The following SLA2 variants were observed in gnomAD, a reference collection of about 807,000 sequenced individuals.
The protein encoded by SLA2 is Src like adaptor 2.
A neutral mutation model predicts 27.3 loss-of-function variants in SLA2; 22 were observed. The observed-to-expected ratio is 0.81, with a 90% CI of 0.58 to 1.15. The LOEUF (loss-of-function observed/expected upper bound fraction) is 1.15. Among genes scored for constraint, SLA2 ranks in the 50% most tolerant of loss-of-function variants. The pLI is 0.00. For missense variants in SLA2, 304 were observed against 322.2 expected, an observed-to-expected ratio of 0.94 and a Z score of 0.43; for synonymous variants, 131 against 137.8, an observed-to-expected ratio of 0.95 and a Z score of 0.34.
At chr20:36,615,086 G>A in intron 6 of SLA2, 139 bp downstream of exon 6, 1 of 1,475,032 alleles carries the variant, frequency 6.8e-7, no homozygotes. Context: ...CTTGGCATAG[G>A]GACTGGCGTG....
intron 3 of SLA2, 148 bp downstream of exon 3, chr20:36,634,342 G>A: frequency 3.4e-6 from 2 of 582,216 alleles, no homozygotes; most frequent in Non-Finnish European, 6.2e-6. Flanking sequence ...GGAGTGCACT[G>A]GCTTGATCAT....
At chr20:36,619,220 G>GAAA (rs60021707) in intron 5 of SLA2, among the ~76,000 whole-genome samples, 16 of 71,276 alleles carry the variant, frequency 2.2e-4, no homozygotes, top group East Asian at 4.9e-4. Flanking sequence ...GACTCTGGGG[G>GAAA]AAAAAAAAAA....
At position 36,613,943 on chromosome 20, in the gene SLA2, G is replaced by T; in HGVS notation, c.709C>A (p.Leu237Ile). 1 of 1,614,146 alleles carries T rather than the reference G, an allele frequency of 6.2e-7. No homozygotes were observed. The highest frequency in any genetic ancestry group is 1.3e-5 in the African/African-American group (1 of 75,042). Residue 237 changes from leucine to isoleucine, a missense_variant, in exon 8 of 8, where the codon CTC becomes ATC. Transcript: ENST00000262866. ...AGGGACTCCCGGAGACCCTCACTGA[G>T]AAGAGACTCCTCCCCTGTGGCAGCT... ...SEAATGEESL[L>I]SEGLRESLSF...
At chr20:36,626,574 G>A (rs1447909274) in intron 5 of SLA2, among the ~76,000 whole-genome samples, 4 of 150,590 alleles carry the variant, frequency 2.7e-5, no homozygotes, top group South Asian at 2.1e-4. Flanking sequence ...AAGTCTGGGC[G>A]CGGTGGCTCA....
At chr20:36,618,206 C>A (rs1346590241) in intron 5 of SLA2, among the ~76,000 whole-genome samples, 2 of 151,384 alleles carry the variant, frequency 1.3e-5, no homozygotes, top group Non-Finnish European at 2.9e-5. Flanking sequence ...ATGCAGACAA[C>A]CATAAGTAAG....
intron 5 of SLA2, among the ~76,000 whole-genome samples, chr20:36,617,774 T>G (rs1478456521): frequency 2.0e-4 from 29 of 143,376 alleles, no homozygotes; most frequent in South Asian, 1.8e-3. Flanking sequence ...GGAGACTCGC[T>G]TGAACCCAGG....
At chr20:36,643,213 T>C (rs753313267) in intron 1 of SLA2, among the ~76,000 whole-genome samples, 24 of 152,218 alleles carry the variant, frequency 1.6e-4, no homozygotes, top group Non-Finnish European at 3.5e-4. Flanking sequence ...GTTAGAATAG[T>C]TTAAATCCCC....
chr20:36,626,034 G>A (rs1331945579), intron 5 of SLA2, among the ~76,000 whole-genome samples: 1 of 151,968 alleles, frequency 6.6e-6, no homozygotes, highest in Non-Finnish European at 1.5e-5. Flanking sequence ...GGAGGCCAAG[G>A]TGGGTGGATC....
At chr20:36,635,520 C>T (rs1384588165) in intron 2 of SLA2, among the ~76,000 whole-genome samples, 1 of 151,754 alleles carries the variant, frequency 6.6e-6, no homozygotes, top group Non-Finnish European at 1.5e-5. Context: ...GCCTGTGCTC[C>T]GGGTGGGCAT....
intron 5 of SLA2, among the ~76,000 whole-genome samples, chr20:36,618,897 A>G (rs2039245372): frequency 7.9e-6 from 1 of 127,376 alleles, no homozygotes; most frequent in Non-Finnish European, 1.6e-5. Context: ...ACAAGAGTGA[A>G]CTCCATCTCA....
chr20:36,622,443 TA>T (rs58568342), intron 5 of SLA2, among the ~76,000 whole-genome samples: 10,981 of 140,764 alleles, frequency 0.078, 1,163 homozygotes, highest in African/African-American at 0.24. Context: ...CCTTCATGAT[TA>T]AAAAAAAAAA....
chr20:36,628,628 A>G (rs2039362967), intron 5 of SLA2, among the ~76,000 whole-genome samples: 1 of 151,676 alleles, frequency 6.6e-6, no homozygotes, highest in Non-Finnish European at 1.5e-5. Flanking sequence ...TCACTGCAGC[A>G]TCGACTTCTT....
At chr20:36,630,012 AG>A (rs1374303306) in intron 5 of SLA2, among the ~76,000 whole-genome samples, 4 of 151,448 alleles carry the variant, frequency 2.6e-5, no homozygotes, top group African/African-American at 7.3e-5. Flanking sequence ...GTGTCTTTTT[AG>A]GTAAGGGGCA....
intron 4 of SLA2, among the ~76,000 whole-genome samples, chr20:36,633,138 C>T (rs1293847418): frequency 6.6e-6 from 1 of 152,186 alleles, no homozygotes; most frequent in Non-Finnish European, 1.5e-5. Flanking sequence ...GTGGCGCAAT[C>T]ACGGCTCACT....
chr20:36,640,066 G>T (rs956939875), intron 2 of SLA2, among the ~76,000 whole-genome samples: 1 of 152,176 alleles, frequency 6.6e-6, no homozygotes. Flanking sequence ...TCAGCACTTT[G>T]GGAGGCCAAG....
At chr20:36,619,273 C>G (rs1170100272) in intron 5 of SLA2, among the ~76,000 whole-genome samples, 5 of 144,498 alleles carry the variant, frequency 3.5e-5, no homozygotes, top group Admixed American at 2.9e-4. Context: ...CACCTGTAAT[C>G]CTAGCACTTT....
chr20:36,614,481 A>C (rs756158051), intron 6 of SLA2, 44 bp from the exon 7 acceptor site: 1 of 1,554,592 alleles, frequency 6.4e-7, no homozygotes, highest in East Asian at 2.3e-5. Flanking sequence ...ACTCCACCCT[A>C]CTTCTCCCCA....
At chr20:36,634,114 A>C (rs2039419710) in intron 3 of SLA2, among the ~76,000 whole-genome samples, 1 of 151,176 alleles carries the variant, frequency 6.6e-6, no homozygotes, top group Non-Finnish European at 1.5e-5. Flanking sequence ...CAGCCTCCCA[A>C]GTAGCTGGGA....
intron 1 of SLA2, among the ~76,000 whole-genome samples, chr20:36,644,175 G>A (rs1978285876): frequency 6.6e-6 from 1 of 152,038 alleles, no homozygotes; most frequent in South Asian, 2.1e-4. Flanking sequence ...TACATTATTG[G>A]GGTCTTGCTG....
Sources: allele counts gnomAD v4.1 joint callset (sites outside exome capture counted in the v4.1 genomes callset), GRCh38; gene constraint gnomAD v4.1.1; transcripts MANE v1.5; gene names NCBI Gene and HGNC (gene_info 2026-07-23, HGNC 2026-07-21).